Variants in ZNF385D observed in about 807,000 individuals in gnomAD.
The protein encoded by ZNF385D is zinc finger protein 385D.
ZNF385D carries 15 observed loss-of-function variants against 35.8 expected under a neutral mutation model. The ratio of observed to expected loss-of-function variants is 0.42; its 90% CI spans 0.28 to 0.64. The LOEUF is 0.64. Among genes scored for constraint, ZNF385D ranks in the 30% least tolerant of loss-of-function variants. The pLI is 0.23. For synonymous variants in ZNF385D, 212 were observed against 186.8 expected (o/e 1.13, Z -1.10); for missense variants, 474 against 494.6 (o/e 0.96, Z 0.39).
chr3:22,346,718 A>G (rs1695674549), intron 2 of ZNF385D, among the ~76,000 whole-genome samples: 2 of 152,178 alleles, frequency 1.3e-5, no homozygotes, highest in South Asian at 4.1e-4. Flanking sequence ...CTTTTTAAAA[A>G]AATTCAGTTC....
intron 3 of ZNF385D, among the ~76,000 whole-genome samples, chr3:21,554,003 A>C (rs1438177408): frequency 6.6e-6 from 1 of 152,184 alleles, no homozygotes; most frequent in Non-Finnish European, 1.5e-5. Context: ...GAACATTGGA[A>C]GAAACTTCTT....
At chr3:21,968,858 C>G (rs1250567886) in intron 3 of ZNF385D, among the ~76,000 whole-genome samples, 1 of 152,172 alleles carries the variant, frequency 6.6e-6, no homozygotes, top group Non-Finnish European at 1.5e-5. Context: ...GTAAAGAGGA[C>G]TTTGCCTCAC....
At chr3:21,685,476 T>A (rs1478820437) in intron 1 of ZNF385D, among the ~76,000 whole-genome samples, 2 of 152,198 alleles carry the variant, frequency 1.3e-5, no homozygotes, top group Non-Finnish European at 2.9e-5. Flanking sequence ...CTTTTTTACA[T>A]CTACATCACA....
At chr3:22,281,756 A>G (rs1198251786) in intron 2 of ZNF385D, among the ~76,000 whole-genome samples, 2 of 152,194 alleles carry the variant, frequency 1.3e-5, no homozygotes, top group East Asian at 3.9e-4. Context: ...CTGGCTTCAT[A>G]GAATGATTTA....
intron 3 of ZNF385D, among the ~76,000 whole-genome samples, chr3:21,777,259 A>G (rs899751119): frequency 6.6e-6 from 1 of 151,964 alleles, no homozygotes. Flanking sequence ...ATCTTTGTCA[A>G]GAACTCATTT....
intron 3 of ZNF385D, among the ~76,000 whole-genome samples, chr3:22,018,944 C>A (rs1697051145): frequency 6.6e-6 from 1 of 150,956 alleles, no homozygotes. Flanking sequence ...CGTGCAATTC[C>A]TACTCCTTTC....
At chr3:21,946,764 G>T (rs982962644) in intron 3 of ZNF385D, among the ~76,000 whole-genome samples, 1 of 152,298 alleles carries the variant, frequency 6.6e-6, no homozygotes, top group South Asian at 2.1e-4. Flanking sequence ...CCCAAGAGGC[G>T]GAGGTTGCAG....
intron 3 of ZNF385D, among the ~76,000 whole-genome samples, chr3:22,104,557 T>C (rs1335765011): frequency 2.0e-5 from 3 of 152,144 alleles, no homozygotes; most frequent in African/African-American, 7.2e-5. Flanking sequence ...TGCCGCGTTG[T>C]GTACTTCTTA....
At chr3:21,552,052 C>A (rs1311555641) in intron 3 of ZNF385D, among the ~76,000 whole-genome samples, 1 of 152,116 alleles carries the variant, frequency 6.6e-6, no homozygotes, top group Non-Finnish European at 1.5e-5. Flanking sequence ...AAACTACTTT[C>A]CTATGTGATA....
intron 2 of ZNF385D, among the ~76,000 whole-genome samples, chr3:21,610,509 G>A (rs1001380672): frequency 1.3e-5 from 2 of 152,090 alleles, no homozygotes; most frequent in Admixed American, 6.5e-5. Context: ...GGTGGCTCAC[G>A]CCTGTAATCC....
At chr3:22,242,137 A>G (rs1286521568) in intron 2 of ZNF385D, among the ~76,000 whole-genome samples, 1 of 150,780 alleles carries the variant, frequency 6.6e-6, no homozygotes, top group African/African-American at 2.5e-5. Context: ...ATGACGAGTT[A>G]GTGGGTGCAG....
At chr3:21,847,759 C>T (rs1463298738) in intron 3 of ZNF385D, among the ~76,000 whole-genome samples, 1 of 151,946 alleles carries the variant, frequency 6.6e-6, no homozygotes, top group East Asian at 1.9e-4. Flanking sequence ...CTAGAAAGTT[C>T]CCTCTTATTC....
chr3:22,070,155 T>A (rs903934525), intron 3 of ZNF385D, among the ~76,000 whole-genome samples: 6 of 152,260 alleles, frequency 3.9e-5, no homozygotes, highest in African/African-American at 1.4e-4. Context: ...AAGATAAGCA[T>A]CTTATTTTCT....
chr3:21,668,461 A>G (rs1472069902), intron 1 of ZNF385D, among the ~76,000 whole-genome samples: 1 of 152,118 alleles, frequency 6.6e-6, no homozygotes, highest in Non-Finnish European at 1.5e-5. Flanking sequence ...TGATGTTTCC[A>G]TGAGCACTCC....
At chr3:21,645,014 T>C (rs1199558982) in intron 2 of ZNF385D, among the ~76,000 whole-genome samples, 2 of 152,170 alleles carry the variant, frequency 1.3e-5, no homozygotes, top group Admixed American at 1.3e-4. Context: ...AATTCCCATG[T>C]CTACAAACAG....
intron 3 of ZNF385D, among the ~76,000 whole-genome samples, chr3:22,085,337 A>G (rs925933563): frequency 1.3e-5 from 2 of 152,220 alleles, no homozygotes; most frequent in African/African-American, 4.8e-5. Context: ...AACAAGACTA[A>G]TAAAGAAGAA....
At chr3:21,467,245 T>G (rs1176726863) in intron 4 of ZNF385D, among the ~76,000 whole-genome samples, 1 of 152,216 alleles carries the variant, frequency 6.6e-6, no homozygotes, top group Non-Finnish European at 1.5e-5. Context: ...TTCCATAAAC[T>G]TTTTCAAAAT....
chr3:21,914,085 C>T (rs1700086018), intron 3 of ZNF385D, among the ~76,000 whole-genome samples: 1 of 151,982 alleles, frequency 6.6e-6, no homozygotes, highest in African/African-American at 2.4e-5. Flanking sequence ...TTTGTCCATT[C>T]ACAGGGAGAC....
intron 3 of ZNF385D, among the ~76,000 whole-genome samples, chr3:22,022,251 C>A (rs1697265229): frequency 6.6e-6 from 1 of 152,082 alleles, no homozygotes; most frequent in Non-Finnish European, 1.5e-5. Context: ...GGTTAAGCTT[C>A]AAAGGAATGT....
Sources: gnomAD v4.1 joint callset for allele counts (sites outside exome capture counted in the v4.1 genomes callset) on GRCh38, gnomAD v4.1.1 for gene constraint, MANE v1.5 for transcripts, NCBI Gene and HGNC (gene_info 2026-07-23, HGNC 2026-07-21) for gene names.